NCKAP1: variants seen among roughly 807,000 people sequenced by gnomAD.
The protein encoded by NCKAP1 is nck-associated protein 1.
In NCKAP1, 21 loss-of-function variants were observed where a neutral mutation model predicts 151.2. That is an observed-to-expected ratio of 0.14 (90% confidence interval 0.10 to 0.20). The LOEUF is 0.20. NCKAP1 is among the 10% of genes least tolerant of loss of function. NCKAP1 has a pLI of 1.00. For synonymous variants in NCKAP1, 484 were observed against 451.8 expected (o/e 1.07, Z -0.90); for missense variants, 933 against 1,352.1 (o/e 0.69, Z 4.86).
intron 24 of NCKAP1, among the ~76,000 whole-genome samples, chr2:182,937,072 G>C (rs565596827): frequency 1.7e-5 from 2 of 119,012 alleles, no homozygotes; most frequent in Non-Finnish European, 3.2e-5. Flanking sequence ...CCAAGATCTC[G>C]CCACTGCACT....
At chr2:182,940,410 G>A (rs1696971945) in intron 24 of NCKAP1, among the ~76,000 whole-genome samples, 1 of 151,812 alleles carries the variant, frequency 6.6e-6, no homozygotes, top group Non-Finnish European at 1.5e-5. Context: ...TAATAAAAAT[G>A]ACCTTTTCTT....
At chr2:182,937,419 C>G (rs556091996) in intron 24 of NCKAP1, among the ~76,000 whole-genome samples, 17 of 152,228 alleles carry the variant, frequency 1.1e-4, no homozygotes, top group African/African-American at 4.1e-4. Flanking sequence ...GGAACTAACT[C>G]TAGAACAGAG....
chr2:182,924,732 A>T lies in NCKAP1; in HGVS notation c.*970T>A, dbSNP rs1696607688. ...ATTTTTTTCAATAAAATGTTTTTTA[A>T]AACATTTAAACAAATCATATAATAG... On this transcript the variant is annotated 3_prime_UTR_variant, in exon 31 of 31. Transcript: ENST00000361354. The T allele has an allele frequency of 6.6e-6, 1 of 152,148 alleles. No homozygotes were observed. The highest frequency in any genetic ancestry group is 2.4e-5 in the African/African-American group (1 of 41,448). 9.4% of individuals were successfully genotyped at this position (152,148 alleles called of 1,614,324 possible).
chr2:183,034,714 G>A (rs897423274), intron 1 of NCKAP1, among the ~76,000 whole-genome samples: 1 of 152,134 alleles, frequency 6.6e-6, no homozygotes, highest in African/African-American at 2.4e-5. Context: ...ATTCTGTGAA[G>A]TATGTAGGGC....
intron 9 of NCKAP1, among the ~76,000 whole-genome samples, chr2:182,987,477 A>G (rs1211353274): frequency 2.6e-5 from 4 of 152,204 alleles, no homozygotes; most frequent in Non-Finnish European, 5.9e-5. Flanking sequence ...GCAAACTCAT[A>G]ATTTTAAATA....
chr2:182,965,099 CCATT>C (rs1173945649), intron 16 of NCKAP1, among the ~76,000 whole-genome samples: 2 of 151,826 alleles, frequency 1.3e-5, no homozygotes, highest in East Asian at 1.9e-4. Flanking sequence ...GGAAAAAATA[CCATT>C]ATTATGGCTG....
chr2:182,915,290 T>C lies in NCKAP1; in HGVS notation c.*10412A>G, dbSNP rs1696449214. 6.6e-6 allele frequency: 1 copy of C among 152,068 alleles called. No homozygotes were observed. Among genetic ancestry groups the C allele is most frequent in the Non-Finnish European group, 1.5e-5 (1 of 68,044 alleles). The allele number at this position is 152,068 out of a possible 1,614,324, so 9.4% of individuals were successfully genotyped here. A position where few individuals can be genotyped will look rare whatever the true frequency, so the allele number is the denominator to read the frequency against. The stretch of plus-strand genomic sequence containing the variant: ...GTATAGAATGCAAATGTTCAGACTT[T>C]GCTTTTCAAAAACGTTGTATGGTTC... On this transcript the variant is annotated 3_prime_UTR_variant, in exon 31 of 31. Coordinates refer to ENST00000361354, the MANE Select transcript of NCKAP1 (RefSeq NM_013436.5).
rs1268738460 is a variant in NCKAP1 at position 182,957,467 on chromosome 2, C to T, written c.2011G>A (p.Val671Ile). The T allele has an allele frequency of 6.2e-7, 1 of 1,613,054 alleles. No homozygotes were observed. Among genetic ancestry groups the T allele is most frequent in the African/African-American group, 1.3e-5 (1 of 74,864 alleles). Residue 671 changes from valine to isoleucine, a missense_variant, in exon 19 of 31, where the codon GTT (valine) becomes ATT (isoleucine). Val to Ile is a conservative substitution (Grantham distance 29). Coordinates refer to ENST00000361354, the MANE Select transcript of NCKAP1 (RefSeq NM_013436.5). ...TAAGTGGATACTTACTTGGTCACAA[C>T]CAGCCTGTTTTTCCTCATGCTCTCA... ...GVESMRKNRLVVTNLDKLHTA... is the reference protein window; with the variant it reads ...GVESMRKNRLIVTNLDKLHTA...
At chr2:182,956,797 A>G (rs900103745) in intron 19 of NCKAP1, 6 of 485,438 alleles carry the variant, frequency 1.2e-5, no homozygotes, top group Non-Finnish European at 2.1e-5. Flanking sequence ...ATTTGTTTCT[A>G]CCTTTAGGTA....
At chr2:183,013,667 C>T (rs779116470) in intron 2 of NCKAP1, among the ~76,000 whole-genome samples, 4 of 152,178 alleles carry the variant, frequency 2.6e-5, no homozygotes, top group Non-Finnish European at 4.4e-5. Flanking sequence ...AGTCATATCA[C>T]TTCATTCCCC....
chr2:182,939,787 C>G (rs1022063260), intron 24 of NCKAP1, among the ~76,000 whole-genome samples: 2 of 152,122 alleles, frequency 1.3e-5, no homozygotes, highest in African/African-American at 4.8e-5. Flanking sequence ...GTTCTCTCTA[C>G]TCTCCTAAAT....
intron 24 of NCKAP1, among the ~76,000 whole-genome samples, chr2:182,938,460 A>G (rs1696927325): frequency 6.6e-6 from 1 of 152,168 alleles, no homozygotes; most frequent in Non-Finnish European, 1.5e-5. Flanking sequence ...GTTGAGGAAA[A>G]AGCACCAAAT....
At chr2:182,962,453 T>G (rs1697475733) in intron 17 of NCKAP1, among the ~76,000 whole-genome samples, 175 bp from the exon 18 acceptor site, 1 of 152,184 alleles carries the variant, frequency 6.6e-6, no homozygotes, top group Non-Finnish European at 1.5e-5. Flanking sequence ...ATACTGTATT[T>G]GAACATAAAT....
intron 2 of NCKAP1, among the ~76,000 whole-genome samples, chr2:183,010,525 G>A (rs1290418711): frequency 6.6e-6 from 1 of 152,140 alleles, no homozygotes. Flanking sequence ...GAAATTTAGA[G>A]GTGACCTGTT....
In NCKAP1 at chr2:182,942,138, A is replaced by G; in HGVS notation, c.2627T>C (p.Val876Ala). 1.2e-6 allele frequency: 2 copies of G among 1,613,278 alleles called. No homozygotes were observed. The highest frequency in any genetic ancestry group is 1.7e-6 in the Non-Finnish European group (2 of 1,179,506). The change falls in exon 24 of 31, where the codon GTG (valine) becomes GCG (alanine). Residue 876 changes from valine to alanine, a missense_variant. Around this residue, in one of 2 missense-constraint regions of NCKAP1, gnomAD observed 326 missense variants for 557.1 expected, o/e 0.59. Transcript: ENST00000361354. Reference protein sequence around the residue: ...LKKLVVENVDVLTQMRTSFDK... With the variant: ...LKKLVVENVDALTQMRTSFDK... ...AAAGCTGGTCCTCATTTGTGTTAAC[A>G]CATCAACATTCTCCACCACAAGTTT...
chr2:182,993,504 T>C (rs967260193), intron 8 of NCKAP1, among the ~76,000 whole-genome samples: 1 of 152,192 alleles, frequency 6.6e-6, no homozygotes, highest in African/African-American at 2.4e-5. Flanking sequence ...GAAATTCTCA[T>C]TCTGTATTAA....
intron 26 of NCKAP1, 131 bp downstream of exon 26, chr2:182,934,621 C>T (rs968277683): frequency 1.4e-5 from 8 of 572,948 alleles, no homozygotes; most frequent in African/African-American, 1.2e-4. Context: ...ATTACAAAGG[C>T]AAGCATGCTA....
At chr2:182,963,828 T>G (rs2105835162) in intron 17 of NCKAP1, among the ~76,000 whole-genome samples, 1 of 152,238 alleles carries the variant, frequency 6.6e-6, no homozygotes, top group African/African-American at 2.4e-5. Flanking sequence ...GTGGTATTAA[T>G]ATCCTCATAG....
At chr2:182,985,460 T>C (rs72886602) in intron 10 of NCKAP1, among the ~76,000 whole-genome samples, 1,628 of 151,608 alleles carry the variant, frequency 0.011, 15 homozygotes, top group Non-Finnish European at 0.019. Flanking sequence ...AGGATATCTA[T>C]ATATTTACTA....
Sources: allele counts gnomAD v4.1 joint callset (sites outside exome capture counted in the v4.1 genomes callset), GRCh38; gene constraint gnomAD v4.1.1; regional missense constraint gnomAD v4.1.1; transcripts MANE v1.5; gene names NCBI Gene and HGNC (gene_info 2026-07-23, HGNC 2026-07-21).